Variants in SMCO4 observed in about 807,000 individuals in gnomAD.
SMCO4 encodes the protein single-pass membrane protein with coiled-coil domains 4, also known as single-pass membrane and coiled-coil domain-containing protein 4.
Under a neutral mutation model 3.6 loss-of-function variants are expected in SMCO4, and 4 were observed. That is an observed-to-expected ratio of 1.11 (90% CI 0.54 to 2.53). The LOEUF is 2.53. SMCO4 is among the 30% of genes most tolerant of loss of function. SMCO4 has a pLI of 0.02. For synonymous variants in SMCO4, 36 were observed against 35.3 expected, an observed-to-expected ratio of 1.02 and a Z score of -0.07; for missense variants, 70 against 80.8, an observed-to-expected ratio of 0.87 and a Z score of 0.51.
At chr11:93,510,865 G>T (rs1948950396) in intron 1 of SMCO4, among the ~76,000 whole-genome samples, 1 of 152,186 alleles carries the variant, frequency 6.6e-6, no homozygotes, top group Admixed American at 6.5e-5. Flanking sequence ...TTGGGATGCT[G>T]AGGTGGGCGG....
At chr11:93,511,340 A>C (rs1396949536) in intron 1 of SMCO4, among the ~76,000 whole-genome samples, 3 of 152,118 alleles carry the variant, frequency 2.0e-5, no homozygotes, top group Non-Finnish European at 2.9e-5. Context: ...CTAGGGACTG[A>C]TGCAGGCCAG....
chr11:93,510,686 G>T (rs546131672), intron 1 of SMCO4, among the ~76,000 whole-genome samples: 1 of 152,026 alleles, frequency 6.6e-6, no homozygotes, highest in African/African-American at 2.4e-5. Flanking sequence ...CTTGATCTGC[G>T]GCTCAGGACT....
In SMCO4 at chr11:93,498,848, C is replaced by T. The variant is rs75549718; in HGVS notation, c.-81+428G>A. On this transcript the variant is annotated intron_variant, in intron 2 of 2. Coordinates refer to ENST00000298966, the MANE Select transcript of SMCO4 (RefSeq NM_020179.3). ...TCATTCGAGAAACATTTATGGAATA[C>T]CGACTGTGTCCCAGGCACAACTCAG... Among the ~76,000 whole-genome samples the T allele has an allele frequency of 5.4e-3, 829 of 152,210 alleles. 10 individuals are homozygous for T. The highest frequency in any genetic ancestry group is 0.019 in the African/African-American group (782 of 41,514).
chr11:93,488,253 C>A (rs181210309), intron 2 of SMCO4, among the ~76,000 whole-genome samples: 3 of 152,200 alleles, frequency 2.0e-5, no homozygotes, highest in African/African-American at 4.8e-5. Flanking sequence ...GTCTGAGAAG[C>A]ACGCAGGGGC....
In SMCO4 at chr11:93,490,669, G is replaced by C. The variant is rs533194164; in HGVS notation, c.-81+8607C>G. Among the ~76,000 whole-genome samples, 11 of 152,302 alleles carry C rather than the reference G, an allele frequency of 7.2e-5. No individual in the cohort carries two copies. In the South Asian group the frequency reaches 2.3e-3, roughly 32 times the overall value. ...AAATCGCAATGGTTAAATGGCCCAG[G>C]TGAGGTTGTGGAAACACTACCTCCA... On this transcript the variant is annotated intron_variant, in intron 2 of 2. Coordinates refer to ENST00000298966, the MANE Select transcript of SMCO4 (RefSeq NM_020179.3).
intron 1 of SMCO4, among the ~76,000 whole-genome samples, chr11:93,503,526 G>A (rs986578604): frequency 6.6e-6 from 1 of 152,140 alleles, no homozygotes; most frequent in African/African-American, 2.4e-5. Context: ...GGTGGAAAAT[G>A]GTCTTTGTAG....
chr11:93,529,623 A>G (rs1949144226), intron 1 of SMCO4, among the ~76,000 whole-genome samples: 1 of 152,108 alleles, frequency 6.6e-6, no homozygotes, highest in Admixed American at 6.5e-5. Context: ...CTCATTACAC[A>G]AGGGCCAGGC....
rs1272975308 is a variant in SMCO4 at position 93,503,217 on chromosome 11, T to C, written c.-153-3869A>G. On this transcript the variant is annotated intron_variant, in intron 1 of 2. Transcript: ENST00000298966. ...GAGGTTTAATGGACTCACAGTTCCA[T>C]TGTGAGGCCCCCCCAACCATGGTGA... Among the ~76,000 whole-genome samples the C allele has an allele frequency of 2.0e-5, 3 of 152,152 alleles. No individual in the cohort carries two copies. In the East Asian group the frequency reaches 5.8e-4, roughly 29 times the overall value.
chr11:93,501,339 T>G (rs941942800), intron 1 of SMCO4, among the ~76,000 whole-genome samples: 1 of 152,202 alleles, frequency 6.6e-6, no homozygotes, highest in African/African-American at 2.4e-5. Flanking sequence ...GCTGCCATAA[T>G]TATCACTGGA....
chr11:93,541,557 C>T (rs1194448614), intron 1 of SMCO4, among the ~76,000 whole-genome samples: 6 of 152,130 alleles, frequency 3.9e-5, no homozygotes, highest in African/African-American at 1.4e-4. Context: ...CAACTCCAAG[C>T]TTGAGCGTCC....
chr11:93,489,320 A>G (rs1035711364), intron 2 of SMCO4, among the ~76,000 whole-genome samples: 1 of 152,244 alleles, frequency 6.6e-6, no homozygotes, highest in Non-Finnish European at 1.5e-5. Context: ...ATTAGCTGTC[A>G]TCATCATAAG....
intron 1 of SMCO4, among the ~76,000 whole-genome samples, chr11:93,521,140 C>T (rs892694250): frequency 1.3e-5 from 2 of 152,216 alleles, no homozygotes; most frequent in African/African-American, 4.8e-5. Flanking sequence ...ACTGGCAAAA[C>T]CAGGACATCT....
chr11:93,552,257 A>G, the SMCO4 span, among the ~76,000 whole-genome samples: 1 of 149,554 alleles, frequency 6.7e-6, no homozygotes, highest in Non-Finnish European at 1.5e-5. Context: ...CCAGGGTTCA[A>G]GCCTTCCAAG....
intron 1 of SMCO4, among the ~76,000 whole-genome samples, chr11:93,543,001 C>A (rs12285927): frequency 6.6e-6 from 1 of 151,582 alleles, no homozygotes; most frequent in Non-Finnish European, 1.5e-5. Context: ...TCCCAGCCCC[C>A]GCCCCGCAGC....
At chr11:93,504,172 A>G (rs1320132315) in intron 1 of SMCO4, among the ~76,000 whole-genome samples, 1 of 152,352 alleles carries the variant, frequency 6.6e-6, no homozygotes, top group South Asian at 2.1e-4. Context: ...TGCAACTCCA[A>G]CTTAATCAAA....
intron 2 of SMCO4, among the ~76,000 whole-genome samples, chr11:93,480,837 C>G (rs1399447955): frequency 6.6e-6 from 1 of 152,210 alleles, no homozygotes; most frequent in African/African-American, 2.4e-5. Flanking sequence ...TAATCTCTTA[C>G]CATTCCTCTC....
intron 1 of SMCO4, among the ~76,000 whole-genome samples, chr11:93,500,581 G>A (rs542407646): frequency 1.3e-5 from 2 of 152,254 alleles, no homozygotes; most frequent in Admixed American, 1.3e-4. Context: ...GGGATGGGAC[G>A]CAGAACTGGA....
At chr11:93,545,549 C>G (rs1290423046), upstream of SMCO4, among the ~76,000 whole-genome samples, 1 of 134,542 alleles carries the variant, frequency 7.4e-6, no homozygotes, top group Non-Finnish European at 1.5e-5. Context: ...GATCATGCCA[C>G]TGCACTCCAG....
chr11:93,545,372 G>A (rs1350182062), upstream of SMCO4, among the ~76,000 whole-genome samples: 1 of 151,742 alleles, frequency 6.6e-6, no homozygotes, highest in African/African-American at 2.4e-5. Context: ...TGGATCACCT[G>A]AGGTCAGGAG....
Sources: gnomAD v4.1 joint callset for allele counts (sites outside exome capture counted in the v4.1 genomes callset) on GRCh38, gnomAD v4.1.1 for gene constraint, MANE v1.5 for transcripts, NCBI Gene and HGNC (gene_info 2026-07-23, HGNC 2026-07-21) for gene names.